Variants in MICU2 observed in about 807,000 individuals in gnomAD.
MICU2 encodes the protein mitochondrial calcium uptake 2, also known as calcium uptake protein 2, mitochondrial.
In MICU2, 64 loss-of-function variants were observed where a neutral mutation model predicts 60.4. The observed-to-expected ratio is 1.06, with a 90% CI of 0.87 to 1.31. MICU2 has a LOEUF of 1.31. Ranked by LOEUF, MICU2 falls within the 50% of genes most tolerant of loss-of-function variation. MICU2 has a pLI of 0.00. For synonymous variants in MICU2, 201 were observed against 175.0 expected, an observed-to-expected ratio of 1.15 and a Z score of -1.17; for missense variants, 569 against 531.0, an observed-to-expected ratio of 1.07 and a Z score of -0.70.
At chr13:21,564,499 C>T (rs965737679) in intron 2 of MICU2, among the ~76,000 whole-genome samples, 3 of 152,084 alleles carry the variant, frequency 2.0e-5, no homozygotes, top group Non-Finnish European at 2.9e-5. Flanking sequence ...AAGGGAGGTA[C>T]GTATTGTACA....
intron 1 of MICU2, among the ~76,000 whole-genome samples, chr13:21,602,318 C>T (rs1419999852): frequency 6.6e-6 from 1 of 152,042 alleles, no homozygotes; most frequent in South Asian, 2.1e-4. Flanking sequence ...GTCAGGAGAT[C>T]GAGACCATCC....
intron 4 of MICU2, among the ~76,000 whole-genome samples, chr13:21,527,730 A>G (rs755185452): frequency 2.0e-5 from 3 of 152,254 alleles, no homozygotes; most frequent in African/African-American, 4.8e-5. Context: ...TATGTTTAAA[A>G]GTTTGTTAAA....
chr13:21,497,200 G>GA (rs113779425), intron 9 of MICU2, among the ~76,000 whole-genome samples: 3,958 of 117,800 alleles, frequency 0.034, 158 homozygotes, highest in African/African-American at 0.1. Context: ...TGGTGAAAAA[G>GA]AAAAAAAAAA....
At chr13:21,579,895 A>G (rs2138056300) in intron 1 of MICU2, among the ~76,000 whole-genome samples, 1 of 152,320 alleles carries the variant, frequency 6.6e-6, no homozygotes, top group African/African-American at 2.4e-5. Flanking sequence ...TTCATTGCAG[A>G]ATTTGCAGTA....
intron 1 of MICU2, among the ~76,000 whole-genome samples, chr13:21,602,541 C>CA (rs1235440134): frequency 6.6e-6 from 1 of 151,436 alleles, no homozygotes; most frequent in Non-Finnish European, 1.5e-5. Context: ...AAAACAAAAA[C>CA]AAAAAACAAA....
intron 1 of MICU2, among the ~76,000 whole-genome samples, chr13:21,587,579 T>C (rs1414377069): frequency 2.0e-5 from 3 of 152,204 alleles, no homozygotes; most frequent in Non-Finnish European, 2.9e-5. Context: ...GAAAATGCTT[T>C]AAAACTGCAA....
At chr13:21,568,926 A>G (rs929450707) in intron 1 of MICU2, among the ~76,000 whole-genome samples, 4 of 151,930 alleles carry the variant, frequency 2.6e-5, no homozygotes, top group African/African-American at 4.8e-5. Context: ...ATACATGCCT[A>G]TAACTCATAC....
intron 4 of MICU2, among the ~76,000 whole-genome samples, chr13:21,525,619 T>C (rs943029442): frequency 1.1e-3 from 161 of 151,928 alleles, no homozygotes; most frequent in African/African-American, 3.7e-3. Flanking sequence ...GCCAACCTAA[T>C]GAATGTCACG....
At position 21,546,054 on chromosome 13, in the gene MICU2, T is replaced by TAAAC; in HGVS notation, c.359-6367_359-6366insGTTT. On this transcript the variant is annotated intron_variant, in intron 2 of 11. Transcript: ENST00000382374. ...TTAAAAAAAATCAATAAATAAAACA[T>TAAAC]TTTAAGTGGTAACTGAAGAAAAAAA... Among the ~76,000 whole-genome samples the TAAAC allele has an allele frequency of 3.9e-5, 6 of 152,258 alleles. No individual in the cohort carries two copies. The South Asian group carries it at 1.2e-3, about 32-fold the overall frequency.
At chr13:21,522,863 T>C (rs1886752410) in intron 4 of MICU2, among the ~76,000 whole-genome samples, 1 of 152,140 alleles carries the variant, frequency 6.6e-6, no homozygotes. Context: ...AGTAAGGAAG[T>C]TGTGATGGTT....
chr13:21,499,623 G>T (rs1456363032), intron 9 of MICU2, among the ~76,000 whole-genome samples: 2 of 151,356 alleles, frequency 1.3e-5, no homozygotes, highest in East Asian at 4.0e-4. Flanking sequence ...TGTTAGCCAA[G>T]ATGTTCTCAA....
At chr13:21,571,533 A>C (rs1245239000) in intron 1 of MICU2, among the ~76,000 whole-genome samples, 1 of 152,044 alleles carries the variant, frequency 6.6e-6, no homozygotes, top group East Asian at 1.9e-4. Flanking sequence ...CCGTCTCTAC[A>C]AAAAATACAA....
At chr13:21,601,094 C>G (rs1888804939) in intron 1 of MICU2, among the ~76,000 whole-genome samples, 1 of 152,270 alleles carries the variant, frequency 6.6e-6, no homozygotes, top group South Asian at 2.1e-4. Context: ...CCAGGCCCGG[C>G]CGGACATATT....
At chr13:21,595,534 G>C (rs2138074536) in intron 1 of MICU2, among the ~76,000 whole-genome samples, 1 of 152,364 alleles carries the variant, frequency 6.6e-6, no homozygotes, top group Admixed American at 6.5e-5. Context: ...GGGGCCCTTA[G>C]GCCACACACA....
rs533379163 is a variant in MICU2, at chr13:21,559,768, A to C, written c.358+7029T>G. On this transcript the variant is annotated intron_variant, in intron 2 of 11. Coordinates refer to ENST00000382374, the MANE Select transcript of MICU2 (RefSeq NM_152726.3). Reference sequence around the variant, plus strand: ...TTGAACTCCTGACCTCAGGTGATCCACCTGCCTTGGCCTCCCAAGGTGCTG... The same window carrying C: ...TTGAACTCCTGACCTCAGGTGATCCCCCTGCCTTGGCCTCCCAAGGTGCTG... 2.1e-4 allele frequency among the ~76,000 whole-genome samples: 32 copies of C among 152,166 alleles called. 1 individual carries two copies. The South Asian group carries it at 3.9e-3, about 19-fold the overall frequency.
chr13:21,500,536 T>A (rs1886126209), intron 9 of MICU2, among the ~76,000 whole-genome samples: 1 of 150,212 alleles, frequency 6.7e-6, no homozygotes. Flanking sequence ...CGCCTCAGCC[T>A]CCTGAGTAGC....
chr13:21,566,772 TAA>T (rs66467009), intron 2 of MICU2, 23 bp downstream of exon 2: 1,948 of 1,275,234 alleles, frequency 1.5e-3, no homozygotes, highest in Middle Eastern at 4.7e-3. Context: ...TTTTTTTAAT[TAA>T]AAAAAAAAAA....
intron 2 of MICU2, among the ~76,000 whole-genome samples, chr13:21,547,628 G>T (rs1200970408): frequency 6.6e-6 from 1 of 152,194 alleles, no homozygotes; most frequent in African/African-American, 2.4e-5. Context: ...ATTTCATTAT[G>T]TAAGAGTTTG....
At position 21,493,281 on chromosome 13, in the gene MICU2, C is replaced by T; in HGVS notation, c.1273G>A (p.Val425Ile). The change falls in exon 12 of 12, where the codon GTC becomes ATC. Residue 425 changes from valine (V) to isoleucine (I), a missense_variant. By Grantham distance (29) the Val-to-Ile change is conservative. Transcript: ENST00000382374. Reference protein sequence around the residue: ...KKESIKGVKEVWKQAGKGLF With the variant: ...KKESIKGVKEIWKQAGKGLF Reference sequence around the variant, plus strand: ...AGACCTTTTCCAGCTTGTTTCCAGACTTCTTTTACTCCTTTAATGCTTTCT... The same window carrying T: ...AGACCTTTTCCAGCTTGTTTCCAGATTTCTTTTACTCCTTTAATGCTTTCT... The T allele has an allele frequency of 6.2e-7, 1 of 1,609,972 alleles. No homozygotes were observed. The highest frequency in any genetic ancestry group is 8.5e-7 in the Non-Finnish European group (1 of 1,178,472).
Sources: allele counts gnomAD v4.1 joint callset (sites outside exome capture counted in the v4.1 genomes callset), GRCh38; gene constraint gnomAD v4.1.1; transcripts MANE v1.5; gene names NCBI Gene and HGNC (gene_info 2026-07-23, HGNC 2026-07-21).